Variants in ADIPOQ observed in about 807,000 individuals in gnomAD.
ADIPOQ encodes the protein adiponectin.
Under a neutral mutation model 16.1 loss-of-function variants are expected in ADIPOQ, and 19 were observed. The observed-to-expected ratio is 1.18, with a 90% CI of 0.82 to 1.73. The LOEUF (loss-of-function observed/expected upper bound fraction) is 1.73. Among genes scored for constraint, ADIPOQ ranks in the 40% most tolerant of loss-of-function variants. The pLI, the probability that ADIPOQ is intolerant of heterozygous loss-of-function variation, is 0.00. For missense variants in ADIPOQ, 323 were observed against 308.3 expected, an observed-to-expected ratio of 1.05 and a Z score of -0.36; for synonymous variants, 124 against 125.5, an observed-to-expected ratio of 0.99 and a Z score of 0.08.
In ADIPOQ at chr3:186,854,554, C is replaced by T; in HGVS notation, c.585C>T (p.Asp195=). The part of the protein sequence containing the change: ...TYDQYQENNV[D]QASGSVLLHL... ...ATCAGTACCAGGAAAATAATGTGGA[C>T]CAGGCCTCCGGCTCTGTGCTCCTGC... Residue 195 remains aspartate, a synonymous_variant, in exon 3 of 3, where the codon GAC becomes GAT. Transcript: ENST00000320741. The T allele has an allele frequency of 6.2e-7, 1 of 1,614,114 alleles. No homozygotes were observed. Among genetic ancestry groups the T allele is most frequent in the Non-Finnish European group, 8.5e-7 (1 of 1,179,948 alleles).
chr3:186,853,850 C>A (rs966189944), intron 2 of ADIPOQ: 5 of 269,836 alleles, frequency 1.9e-5, no homozygotes, highest in African/African-American at 8.9e-5. Context: ...GATGGGTAGG[C>A]AGAATAGAGG....
chr3:186,851,403 G>A (rs36219760), intron 1 of ADIPOQ, among the ~76,000 whole-genome samples: 15,127 of 152,056 alleles, frequency 0.099, 949 homozygotes, highest in African/African-American at 0.18. Flanking sequence ...AGCAATCTGA[G>A]GTGGAGGCCT....
rs1033780417 is a variant in ADIPOQ, at chr3:186,854,038, C to G, written c.215-146C>G. ...GATATAGAAGGAGGAGGTAACACCT[C>G]TCTCCTTTTGGGAGCTCTTATTGGT... is the stretch of plus-strand genomic sequence containing the variant. On this transcript the variant is annotated intron_variant, in intron 2 of 2. Coordinates refer to ENST00000320741, the MANE Select transcript of ADIPOQ (RefSeq NM_004797.4). 16 of 796,288 alleles carry G rather than the reference C, an allele frequency of 2.0e-5. No individual in the cohort carries two copies. The African/African-American group carries it at 2.6e-4, about 13-fold the overall frequency. The allele number at this position is 796,288 out of a possible 1,614,324, so 49.3% of individuals were successfully genotyped here.
At chr3:186,850,303 C>A (rs1711710021) in intron 1 of ADIPOQ, among the ~76,000 whole-genome samples, 1 of 147,946 alleles carries the variant, frequency 6.8e-6, no homozygotes. Flanking sequence ...CAAACTAGAG[C>A]AGTGAGGTAC....
rs369700765 is a variant in ADIPOQ at position 186,850,044 on chromosome 3, G to A, written c.-8-3007G>A. Among the ~76,000 whole-genome samples, 6 of 152,112 alleles carry A rather than the reference G, an allele frequency of 3.9e-5. 1 individual carries two copies. Among genetic ancestry groups the A allele is most frequent in the South Asian group, 4.1e-4 (2 of 4,824 alleles). Reference sequence around the variant, plus strand: ...AGGACTTTGGGAGCCCAAGGCGGGCGGATCACCTGAGGTCAGGAGTTTGAG... The same window carrying A: ...AGGACTTTGGGAGCCCAAGGCGGGCAGATCACCTGAGGTCAGGAGTTTGAG... On this transcript the variant is annotated intron_variant, in intron 1 of 2. Transcript: ENST00000320741.
chr3:186,854,743 C>G lies in ADIPOQ; in HGVS notation c.*39C>G. 1 of 1,610,824 alleles carries G rather than the reference C, an allele frequency of 6.2e-7. No homozygotes were observed. Among genetic ancestry groups the G allele is most frequent in the Non-Finnish European group, 8.5e-7 (1 of 1,177,898 alleles). ...AGAGCCTCCTCCAGGCCAAACAGCC[C>G]CAAAGTCAATTAAAGGCTTTCAGTA... On this transcript the variant is annotated 3_prime_UTR_variant, in exon 3 of 3. Transcript: ENST00000320741.
Position 186,854,560 on chromosome 3 carries a change from C to A in ADIPOQ, c.591C>A (p.Ala197=). 6 of 1,614,100 alleles carry A rather than the reference C, an allele frequency of 3.7e-6. No homozygotes were observed. Among genetic ancestry groups the A allele is most frequent in the Non-Finnish European group, 5.1e-6 (6 of 1,179,926 alleles). The change falls in exon 3 of 3, where the codon GCC becomes GCA. Residue 197 remains alanine (A), a synonymous_variant. Coordinates refer to ENST00000320741, the MANE Select transcript of ADIPOQ (RefSeq NM_004797.4). ...ACCAGGAAAATAATGTGGACCAGGCCTCCGGCTCTGTGCTCCTGCATCTGG... is the reference window on the plus strand; with the variant it reads ...ACCAGGAAAATAATGTGGACCAGGCATCCGGCTCTGTGCTCCTGCATCTGG... The part of the protein sequence containing the change: ...DQYQENNVDQ[A]SGSVLLHLEV...
chr3:186,852,949 A>G, intron 1 of ADIPOQ, 102 bp from the exon 2 acceptor site: 1 of 1,228,160 alleles, frequency 8.1e-7, no homozygotes, highest in Non-Finnish European at 1.2e-6. Context: ...CAGCTCCTAG[A>G]AGTAGACTCT....
intron 1 of ADIPOQ, 121 bp from the exon 2 acceptor site, chr3:186,852,930 C>A: frequency 9.7e-7 from 1 of 1,027,674 alleles, no homozygotes. Flanking sequence ...AAGTTGAATA[C>A]TTAGAAAGCA....
intron 1 of ADIPOQ, among the ~76,000 whole-genome samples, chr3:186,850,720 G>A (rs1711722926): frequency 6.6e-6 from 1 of 151,922 alleles, no homozygotes; most frequent in African/African-American, 2.4e-5. Context: ...CTCACTCTGA[G>A]ACGTTAAAAA....
At position 186,854,438 on chromosome 3, in the gene ADIPOQ, C is replaced by G. The variant is rs188144290; in HGVS notation, c.469C>G (p.Leu157Val). The change falls in exon 3 of 3, where the codon CTG becomes GTG. Residue 157 changes from leucine to valine, a missense_variant. Transcript: ENST00000320741. ...TGKFHCNIPGLYYFAYHITVY... is the reference protein window; with the variant it reads ...TGKFHCNIPGVYYFAYHITVY... ...TAAATTCCACTGCAACATTCCTGGG[C>G]TGTACTACTTTGCCTACCACATCAC... 6.2e-7 allele frequency: 1 copy of G among 1,614,210 alleles called. No homozygotes were observed. The highest frequency in any genetic ancestry group is 1.3e-5 in the African/African-American group (1 of 75,044).
rs755964174 is a variant in ADIPOQ at position 186,854,236 on chromosome 3, AGGTCCCC to A, written c.269_275del (p.Gly90GlufsTer77). 7 of 1,613,658 alleles carry A rather than the reference AGGTCCCC, an allele frequency of 4.3e-6. No homozygotes were observed. Among genetic ancestry groups the A allele is most frequent in the Non-Finnish European group, 5.9e-6 (7 of 1,179,640 alleles). ...GTGAAACCGGAGTACCCGGGGCTGA[AGGTCCCC>A]GAGGCTTTCCGGGAATCCAAGGCAG... On this transcript the variant is annotated frameshift_variant, in exon 3 of 3. Transcript: ENST00000320741. LOFTEE classifies it high-confidence loss of function.
chr3:186,845,710 A>G (rs1001579869), intron 1 of ADIPOQ: 1 of 152,106 alleles, frequency 6.6e-6, no homozygotes, highest in African/African-American at 2.4e-5. Flanking sequence ...ATATAATTCA[A>G]TCCAGTGGTT....
Position 186,854,537 on chromosome 3 carries a change from C to A in ADIPOQ, c.568C>A (p.Gln190Lys), listed in dbSNP as rs200035452. The A allele has an allele frequency of 5.0e-6, 8 of 1,614,046 alleles. No homozygotes were observed. Among genetic ancestry groups the A allele is most frequent in the Non-Finnish European group, 6.8e-6 (8 of 1,180,020 alleles). ...KAMLFTYDQY[Q>K]ENNVDQASGS... ...TATGCTCTTCACCTATGATCAGTAC[C>A]AGGAAAATAATGTGGACCAGGCCTC... Residue 190 changes from glutamine to lysine, a missense_variant, in exon 3 of 3, where the codon CAG becomes AAG. By Grantham distance (53) the Gln-to-Lys change is moderately conservative. Transcript: ENST00000320741.
chr3:186,853,019 T>A, intron 1 of ADIPOQ, 32 bp from the exon 2 acceptor site: 2 of 1,612,366 alleles, frequency 1.2e-6, no homozygotes, highest in Non-Finnish European at 1.7e-6. Flanking sequence ...GGTCTGTCTC[T>A]CCATGGCTGA....
intron 1 of ADIPOQ, among the ~76,000 whole-genome samples, chr3:186,851,128 A>G (rs1004187637): frequency 2.0e-5 from 3 of 152,144 alleles, no homozygotes; most frequent in South Asian, 2.1e-4. Flanking sequence ...GTCTTCAACA[A>G]ACCTTCAGTT....
At chr3:186,847,402 A>G (rs1054919957) in intron 1 of ADIPOQ, among the ~76,000 whole-genome samples, 4 of 152,256 alleles carry the variant, frequency 2.6e-5, no homozygotes, top group Admixed American at 6.5e-5. Context: ...TTTGTTTTAT[A>G]AAAAGTAACA....
rs1711954410 is a variant in ADIPOQ, at chr3:186,855,264, A to G, written c.*560A>G. 5.9e-6 allele frequency: 1 copy of G among 169,082 alleles called. No homozygotes were observed. Among genetic ancestry groups the G allele is most frequent in the African/African-American group, 2.4e-5 (1 of 41,550 alleles). 10.5% of individuals were successfully genotyped at this position (169,082 alleles called of 1,614,324 possible). ...TCCCCCAAGCAGAGCTTCCTCAGAG[A>G]AAGTGGTTCTATGATGACGTCCTGT... On this transcript the variant is annotated 3_prime_UTR_variant, in exon 3 of 3. Transcript: ENST00000320741.
chr3:186,848,187 A>G (rs78319317), intron 1 of ADIPOQ, among the ~76,000 whole-genome samples: 25 of 131,776 alleles, frequency 1.9e-4, no homozygotes, highest in South Asian at 4.8e-4. Flanking sequence ...ACAAAAAAAA[A>G]AGAGAGAGAG....
Sources: allele counts gnomAD v4.1 joint callset (sites outside exome capture counted in the v4.1 genomes callset), GRCh38; gene constraint gnomAD v4.1.1; transcripts MANE v1.5; gene names NCBI Gene and HGNC (gene_info 2026-07-23, HGNC 2026-07-21).